The following PCDHGA2 variants were observed in gnomAD, a reference collection of about 807,000 sequenced individuals.
PCDHGA2 encodes protocadherin gamma subfamily A, 2, also known as protocadherin gamma-A2.
A neutral mutation model predicts 59.2 loss-of-function variants in PCDHGA2; 40 were observed. The ratio of observed to expected loss-of-function variants is 0.68; its 90% CI spans 0.52 to 0.88. The LOEUF (loss-of-function observed/expected upper bound fraction) is 0.88. Ranked by LOEUF, PCDHGA2 falls within the 40% of genes least tolerant of loss-of-function variation. PCDHGA2 has a pLI of 0.00. For synonymous variants in PCDHGA2, 560 were observed against 526.0 expected, an observed-to-expected ratio of 1.06 and a Z score of -0.89; for missense variants, 1,226 against 1,204.0, an observed-to-expected ratio of 1.02 and a Z score of -0.27.
intron 1 of PCDHGA2, chr5:141,387,968 G>A (rs1169859236): frequency 7.4e-6 from 11 of 1,489,402 alleles, no homozygotes; most frequent in Non-Finnish European, 9.9e-6. Flanking sequence ...TCTGCCCGGC[G>A]CTCTGTGAGC....
chr5:141,365,971 G>A lies in PCDHGA2; in HGVS notation c.2424+24576G>A, dbSNP rs769584831. 6 of 1,614,218 alleles carry A rather than the reference G, an allele frequency of 3.7e-6. No homozygotes were observed. In the South Asian group the frequency reaches 5.5e-5, roughly 15 times the overall value. On this transcript the variant is annotated intron_variant, in intron 1 of 3. Coordinates refer to ENST00000394576, the MANE Select transcript of PCDHGA2 (RefSeq NM_018915.4). ...ACCCTCCACTTAGCAGCAACGTGTCGCTGAGCCTGTTTGTGCTGGACCAGA... is the reference window on the plus strand; with the variant it reads ...ACCCTCCACTTAGCAGCAACGTGTCACTGAGCCTGTTTGTGCTGGACCAGA...
chr5:141,347,147 CTT>C (rs1757905409), intron 1 of PCDHGA2, among the ~76,000 whole-genome samples: 1 of 129,464 alleles, frequency 7.7e-6, no homozygotes, highest in East Asian at 2.1e-4. Flanking sequence ...CTCTTTCTTT[CTT>C]TCTTTCTTTC....
chr5:141,349,051 G>C (rs538909066), intron 1 of PCDHGA2, among the ~76,000 whole-genome samples: 3 of 151,964 alleles, frequency 2.0e-5, no homozygotes, highest in Non-Finnish European at 2.9e-5. Context: ...GGTATAAGTC[G>C]GCTGGAGCTG....
rs1394490963 is a variant in PCDHGA2 at position 141,393,307 on chromosome 5, A to G, written c.2424+51912A>G. On this transcript the variant is annotated intron_variant, in intron 1 of 3. Coordinates refer to ENST00000394576, the MANE Select transcript of PCDHGA2 (RefSeq NM_018915.4). ...GCTGTTGACCCGGATGTGGGCGTGAACTCCCTCCAGAGCTACCAGCTCAGC... is the reference window on the plus strand; with the variant it reads ...GCTGTTGACCCGGATGTGGGCGTGAGCTCCCTCCAGAGCTACCAGCTCAGC... 4 of 1,613,476 alleles carry G rather than the reference A, an allele frequency of 2.5e-6. No homozygotes were observed. The highest frequency in any genetic ancestry group is 3.3e-5 in the Admixed American group (2 of 59,966).
At position 141,431,549 on chromosome 5, in the gene PCDHGA2, G is replaced by A. The variant is rs750427346; in HGVS notation, c.2425-63258G>A. ...GGCCTTGGGCACGCAGCTGCTTGTA[G>A]TCAACGCTACCGACCCTGACGAAGG... On this transcript the variant is annotated intron_variant, in intron 1 of 3. Coordinates refer to ENST00000394576, the MANE Select transcript of PCDHGA2 (RefSeq NM_018915.4). This position sits in a 1 kb window ranked among gnomAD's most constrained non-coding sequence, Gnocchi z 4.8. The A allele has an allele frequency of 6.2e-7, 1 of 1,614,156 alleles. No homozygotes were observed. Among genetic ancestry groups the A allele is most frequent in the South Asian group, 1.1e-5 (1 of 91,090 alleles).
intron 1 of PCDHGA2, chr5:141,342,759 T>C (rs540228913): frequency 2.1e-4 from 32 of 152,368 alleles, no homozygotes; most frequent in Admixed American, 1.4e-3. Context: ...TGCATCATGA[T>C]TGAAACGACA....
At position 141,400,246 on chromosome 5, in the gene PCDHGA2, G is replaced by A. The variant is rs373890751; in HGVS notation, c.2424+58851G>A. On this transcript the variant is annotated intron_variant, in intron 1 of 3. Transcript: ENST00000394576. Reference sequence around the variant, plus strand: ...CTTCCTCCTGGCCGTGATTCTGGCCGTTGCCTTGCGCCTGCGACGCTCCTC... The same window carrying A: ...CTTCCTCCTGGCCGTGATTCTGGCCATTGCCTTGCGCCTGCGACGCTCCTC... 5.0e-5 allele frequency: 81 copies of A among 1,613,984 alleles called. No homozygotes were observed. The African/African-American group carries it at 6.0e-4, about 12-fold the overall frequency.
At chr5:141,366,150 G>C in intron 1 of PCDHGA2, 2 of 1,614,136 alleles carry the variant, frequency 1.2e-6, no homozygotes, top group Non-Finnish European at 1.7e-6. Context: ...CTGTCCTACC[G>C]CCTGCTTAAG....
chr5:141,498,105 G>C (rs150297456), intron 2 of PCDHGA2, among the ~76,000 whole-genome samples: 1 of 152,324 alleles, frequency 6.6e-6, no homozygotes, highest in East Asian at 1.9e-4. Flanking sequence ...TGGTGTGGGC[G>C]TATAATAGGG....
At chr5:141,372,958 T>TACAA in intron 1 of PCDHGA2, 9 of 710,562 alleles carry the variant, frequency 1.3e-5, no homozygotes, top group South Asian at 2.1e-5. Context: ...AAATTCTTTG[T>TACAA]AGAATTTCCT....
In PCDHGA2 at chr5:141,340,133, G is replaced by C; in HGVS notation, c.1162G>C (p.Glu388Gln). The C allele has an allele frequency of 6.2e-7, 1 of 1,614,126 alleles. No homozygotes were observed. The highest frequency in any genetic ancestry group is 8.5e-7 in the Non-Finnish European group (1 of 1,180,008). The change falls in exon 1 of 4, where the codon GAG becomes CAG. Residue 388 changes from glutamate (E) to glutamine (Q), a missense_variant. By Grantham distance (29) the Glu-to-Gln change is conservative. Transcript: ENST00000394576. ...QNAFTTCSLP[E>Q]DLPFKLEKSV... ...CGCATTCACCACCTGTTCACTCCCC[G>C]AGGATCTTCCTTTTAAGTTAGAAAA...
chr5:141,366,286 C>G, intron 1 of PCDHGA2: 1 of 1,613,720 alleles, frequency 6.2e-7, no homozygotes, highest in South Asian at 1.1e-5. Flanking sequence ...ATGGCCAGCC[C>G]CCTCTGTCAG....
At chr5:141,488,385 G>A (rs917106670) in intron 1 of PCDHGA2, among the ~76,000 whole-genome samples, 11 of 152,164 alleles carry the variant, frequency 7.2e-5, no homozygotes, top group Non-Finnish European at 1.5e-5. Context: ...TCCTGAATTT[G>A]GTGAAACCAT....
chr5:141,385,037 C>T, intron 1 of PCDHGA2: 1 of 1,614,148 alleles, frequency 6.2e-7, no homozygotes, highest in Non-Finnish European at 8.5e-7. Context: ...GTACTGCTGG[C>T]GCTCAGGCTG....
chr5:141,475,950 C>A, intron 1 of PCDHGA2: 1 of 761,530 alleles, frequency 1.3e-6, no homozygotes, highest in African/African-American at 1.7e-5. Flanking sequence ...CCCCTTTCTG[C>A]GCCCCGGGAT....
chr5:141,419,769 C>G (rs773303779), intron 1 of PCDHGA2: 3 of 1,613,888 alleles, frequency 1.9e-6, no homozygotes, highest in Non-Finnish European at 2.5e-6. Context: ...GACAAGGACT[C>G]GGTCCGCCAG....
At chr5:141,365,297 G>A (rs538677777) in intron 1 of PCDHGA2, 3 of 1,614,014 alleles carry the variant, frequency 1.9e-6, no homozygotes, top group East Asian at 4.5e-5. Context: ...GGTAGCTCAG[G>A]ATGGAGGCGC....
chr5:141,355,116 T>C, intron 1 of PCDHGA2: 1 of 1,511,608 alleles, frequency 6.6e-7, no homozygotes, highest in Non-Finnish European at 8.8e-7. Context: ...GAATGCACTT[T>C]ATTTTGGACC....
chr5:141,491,232 G>C lies in PCDHGA2; in HGVS notation c.2425-3575G>C. The C allele has an allele frequency of 6.2e-7, 1 of 1,614,220 alleles. No individual in the cohort carries two copies. Among genetic ancestry groups the C allele is most frequent in the Non-Finnish European group, 8.5e-7 (1 of 1,180,034 alleles). On this transcript the variant is annotated intron_variant, in intron 1 of 3. Coordinates refer to ENST00000394576, the MANE Select transcript of PCDHGA2 (RefSeq NM_018915.4). The surrounding 1 kb of genome is among the most constrained non-coding windows in gnomAD (Gnocchi z 6.9). ...TCTCCTCCACAGCCACAGTGCTGCT[G>C]GTTCTGGAGGATGAGGACCCTGAGG... is the stretch of plus-strand genomic sequence containing the variant.
Sources: gnomAD v4.1 joint callset for allele counts (sites outside exome capture counted in the v4.1 genomes callset) on GRCh38, gnomAD v4.1.1 for gene constraint, Gnocchi (gnomAD v3.1) non-coding constraint, MANE v1.5 for transcripts, NCBI Gene and HGNC (gene_info 2026-07-23, HGNC 2026-07-21) for gene names.